The following EPHB2 variants were observed in gnomAD, a reference collection of about 807,000 sequenced individuals.
The protein encoded by EPHB2 is ephrin type-B receptor 2.
In EPHB2, 18 loss-of-function variants were observed where a neutral mutation model predicts 96.4. That is an observed-to-expected ratio of 0.19 (90% CI 0.13 to 0.28). The LOEUF (loss-of-function observed/expected upper bound fraction) is 0.28. Among genes scored for constraint, EPHB2 ranks in the 10% least tolerant of loss-of-function variants. The pLI, the probability that EPHB2 is intolerant of heterozygous loss-of-function variation, is 1.00. For synonymous variants in EPHB2, 506 were observed against 534.1 expected, an observed-to-expected ratio of 0.95 and a Z score of 0.72; for missense variants, 989 against 1,355.4, an observed-to-expected ratio of 0.73 and a Z score of 4.25.
chr1:22,879,607 C>A (rs1638965089), intron 5 of EPHB2, among the ~76,000 whole-genome samples: 1 of 152,240 alleles, frequency 6.6e-6, no homozygotes, highest in African/African-American at 2.4e-5. Context: ...CTCAGCTCCT[C>A]GCCAGCTGTG....
chr1:22,730,183 T>C (rs1643675644), intron 1 of EPHB2, among the ~76,000 whole-genome samples: 1 of 152,220 alleles, frequency 6.6e-6, no homozygotes, highest in Non-Finnish European at 1.5e-5. Flanking sequence ...GGTATTGTTC[T>C]CCTGGATGGA....
intron 1 of EPHB2, among the ~76,000 whole-genome samples, chr1:22,778,343 C>A (rs1007245201): frequency 2.0e-5 from 3 of 152,184 alleles, no homozygotes; most frequent in African/African-American, 7.2e-5. Flanking sequence ...TATTGGTTAC[C>A]AAGCAAGGAA....
chr1:22,710,940 G>GGGCCCCGC lies in EPHB2; in HGVS notation c.-39_-32dup, dbSNP rs1370088857. ...GCGCGCGCTCCCGCCCGGGCCGTCCGGGCCCCGCGGCGCCGCGGCCCGAGG... is the reference window on the plus strand; with the variant it reads ...GCGCGCGCTCCCGCCCGGGCCGTCCGGGCCCCGCGGCCCCGCGGCGCCGCGGCCCGAGG... On this transcript the variant is annotated 5_prime_UTR_variant, in exon 1 of 16. Transcript: ENST00000374630. 3 of 150,368 alleles carry GGGCCCCGC rather than the reference G, an allele frequency of 2.0e-5. No individual in the cohort carries two copies. The highest frequency in any genetic ancestry group is 3.0e-5 in the Non-Finnish European group (2 of 67,774). 9.3% of individuals were successfully genotyped at this position (150,368 alleles called of 1,614,324 possible).
chr1:22,742,060 G>A (rs984369716), intron 1 of EPHB2, among the ~76,000 whole-genome samples: 1 of 151,142 alleles, frequency 6.6e-6, no homozygotes, highest in African/African-American at 2.4e-5. Context: ...CAGCTTGCCC[G>A]AGGTCCCCTG....
intron 3 of EPHB2, among the ~76,000 whole-genome samples, chr1:22,833,740 C>T (rs555553180): frequency 6.6e-6 from 1 of 152,110 alleles, no homozygotes; most frequent in African/African-American, 2.4e-5. Context: ...AAGTCAAATA[C>T]GTGTTAGTGT....
chr1:22,880,792 G>T (rs947338018), intron 5 of EPHB2, among the ~76,000 whole-genome samples: 1 of 152,220 alleles, frequency 6.6e-6, no homozygotes, highest in Admixed American at 6.5e-5. Flanking sequence ...CCAGGGCCAT[G>T]TCTACACAGA....
chr1:22,891,283 T>G (rs1639379731), intron 6 of EPHB2: 1 of 440,084 alleles, frequency 2.3e-6, no homozygotes, highest in Non-Finnish European at 4.6e-6. Flanking sequence ...GAATCTTCAT[T>G]GTTTTGGGAA....
At position 22,839,353 on chromosome 1, in the gene EPHB2, G is replaced by A. The variant is rs16827649; in HGVS notation, c.812-23684G>A. ...GAACGATCTGTTCTGACACTCAGAC[G>A]CAGGGTCTTTCACTCACTCTGCATC... On this transcript the variant is annotated intron_variant, in intron 3 of 15. Coordinates refer to ENST00000374630, the MANE Select transcript of EPHB2 (RefSeq NM_017449.5). 7.3e-3 allele frequency among the ~76,000 whole-genome samples: 1,106 copies of A among 152,272 alleles called. 19 individuals carry two copies. Among genetic ancestry groups the A allele is most frequent in the African/African-American group, 0.025 (1,034 of 41,562 alleles).
chr1:22,912,723 G>C (rs1228826270), intron 15 of EPHB2, 124 bp downstream of exon 15: 11 of 1,473,546 alleles, frequency 7.5e-6, no homozygotes, highest in Non-Finnish European at 1.0e-5. Context: ...AGGGACCAAG[G>C]GGCAAGATGG....
At chr1:22,802,622 C>T (rs1384107133) in intron 3 of EPHB2, among the ~76,000 whole-genome samples, 1 of 152,034 alleles carries the variant, frequency 6.6e-6, no homozygotes, top group Non-Finnish European at 1.5e-5. Flanking sequence ...TAGTCCGTAG[C>T]AGAGATGTCT....
chr1:22,740,968 C>T lies in EPHB2; in HGVS notation c.61+29925C>T, dbSNP rs1037636260. On this transcript the variant is annotated intron_variant, in intron 1 of 15. Transcript: ENST00000374630. ...CAGTGGTGAGCATGAGCCGTCCCTG[C>T]GATGCCAAGCCTCTCCTTGCTGACG... is the stretch of plus-strand genomic sequence containing the variant. Among the ~76,000 whole-genome samples the T allele has an allele frequency of 9.9e-5, 15 of 152,196 alleles. 1 individual carries two copies. Among genetic ancestry groups the T allele is most frequent in the African/African-American group, 2.9e-4 (12 of 41,534 alleles).
At chr1:22,851,664 C>G in intron 3 of EPHB2, among the ~76,000 whole-genome samples, 1 of 152,232 alleles carries the variant, frequency 6.6e-6, no homozygotes, top group Non-Finnish European at 1.5e-5. Context: ...GAAGATTCTG[C>G]TGACTTCCAA....
chr1:22,885,295 C>T (rs1160092329), intron 6 of EPHB2, among the ~76,000 whole-genome samples: 4 of 152,226 alleles, frequency 2.6e-5, no homozygotes, highest in African/African-American at 7.2e-5. Flanking sequence ...AGACGGGCAA[C>T]GGAAATGAGG....
At chr1:22,863,235 C>G in intron 4 of EPHB2, 43 bp downstream of exon 4, 3 of 1,613,548 alleles carry the variant, frequency 1.9e-6, no homozygotes, top group Non-Finnish European at 2.5e-6. Flanking sequence ...GGCCGAGTCC[C>G]AGGTCTACCT....
At chr1:22,864,031 GTTCTTTTTTT>G in intron 4 of EPHB2, among the ~76,000 whole-genome samples, 1 of 96,420 alleles carries the variant, frequency 1.0e-5, no homozygotes, top group South Asian at 5.1e-4. Context: ...CCTAGTTTCT[GTTCTTTTTTT>G]TTTTTTTTTT....
At chr1:22,720,747 C>T (rs10917281) in intron 1 of EPHB2, among the ~76,000 whole-genome samples, 42,798 of 148,354 alleles carry the variant, frequency 0.29, 7,470 homozygotes, top group South Asian at 0.54. Context: ...TTCCACTTCA[C>T]TATGTACAGC....
At chr1:22,772,302 G>A (rs147254063) in intron 1 of EPHB2, among the ~76,000 whole-genome samples, 26 of 152,218 alleles carry the variant, frequency 1.7e-4, no homozygotes, top group African/African-American at 2.2e-4. Flanking sequence ...AGGAGCTGGC[G>A]TCACAGGGAC....
chr1:22,766,315 G>A (rs1292759329), intron 1 of EPHB2, among the ~76,000 whole-genome samples: 2 of 152,152 alleles, frequency 1.3e-5, no homozygotes, highest in African/African-American at 4.8e-5. Flanking sequence ...CACAGTGCCT[G>A]GTACATTGAG....
intron 1 of EPHB2, among the ~76,000 whole-genome samples, chr1:22,756,899 T>A (rs1376558063): frequency 2.6e-5 from 4 of 152,184 alleles, no homozygotes; most frequent in Non-Finnish European, 5.9e-5. Flanking sequence ...GTATGCTGGG[T>A]ATGATTCCAT....
Sources: gnomAD v4.1 joint callset for allele counts (sites outside exome capture counted in the v4.1 genomes callset) on GRCh38, gnomAD v4.1.1 for gene constraint, MANE v1.5 for transcripts, NCBI Gene and HGNC (gene_info 2026-07-23, HGNC 2026-07-21) for gene names.